Variants in HCRTR2 observed in about 807,000 individuals in gnomAD.
HCRTR2 encodes the protein orexin receptor type 2.
A neutral mutation model predicts 49.0 loss-of-function variants in HCRTR2; 22 were observed. That is an observed-to-expected ratio of 0.45 (90% CI 0.32 to 0.64). The LOEUF (loss-of-function observed/expected upper bound fraction) is 0.64. Among genes scored for constraint, HCRTR2 ranks in the 30% least tolerant of loss-of-function variants. The pLI is 0.04. For missense variants in HCRTR2, 491 were observed against 559.4 expected (o/e 0.88, Z 1.23); for synonymous variants, 236 against 205.3 (o/e 1.15, Z -1.28).
chr6:55,133,334 T>G (rs1283394183), intron 1 of HCRTR2, among the ~76,000 whole-genome samples: 4 of 151,600 alleles, frequency 2.6e-5, no homozygotes, highest in Admixed American at 2.6e-4. Flanking sequence ...TTGCTTTGTT[T>G]CCATAAATGT....
chr6:55,255,178 G>A lies in HCRTR2; in HGVS notation c.445G>A (p.Ala149Thr), dbSNP rs1259211741. 6 of 1,613,806 alleles carry A rather than the reference G, an allele frequency of 3.7e-6. No individual in the cohort carries two copies. Among genetic ancestry groups the A allele is most frequent in the Non-Finnish European group, 5.1e-6 (6 of 1,179,904 alleles). The change falls in exon 3 of 7, where the codon GCC becomes ACC. Residue 149 changes from alanine to threonine, a missense_variant. Physicochemically the swap from Ala to Thr is moderately conservative, Grantham distance 58. Transcript: ENST00000370862. The stretch of plus-strand genomic sequence containing the variant: ...GTCTGTCCTCACACTGAGCTGTATC[G>A]CCTTGGATCGGTGGTATGCAATCTG... ...SVSVLTLSCI[A>T]LDRWYAICHP...
chr6:55,132,620 T>A (rs916257146), intron 1 of HCRTR2, among the ~76,000 whole-genome samples: 1 of 151,750 alleles, frequency 6.6e-6, no homozygotes, highest in Admixed American at 6.6e-5. Flanking sequence ...GCTACCCCAG[T>A]AGGACATACG....
chr6:55,250,855 A>G (rs1433468583), intron 2 of HCRTR2, among the ~76,000 whole-genome samples: 1 of 152,128 alleles, frequency 6.6e-6, no homozygotes, highest in Non-Finnish European at 1.5e-5. Flanking sequence ...CCTCTTCTCC[A>G]TAGAGCAAGG....
At chr6:55,178,672 C>G (rs528129856) in intron 1 of HCRTR2, among the ~76,000 whole-genome samples, 60 of 152,278 alleles carry the variant, frequency 3.9e-4, no homozygotes, top group Non-Finnish European at 6.5e-4. Context: ...CAGCCTTTTC[C>G]TTAATTGCAT....
In HCRTR2 at chr6:55,269,111, T is replaced by G. The variant is rs78313361; in HGVS notation, c.762+5289T>G. 8.2e-4 allele frequency among the ~76,000 whole-genome samples: 103 copies of G among 125,216 alleles called. 1 individual carries two copies. Among genetic ancestry groups the G allele is most frequent in the South Asian group, 5.4e-3 (21 of 3,868 alleles). The allele number at this position is 125,216 out of a possible 152,430, so 82.1% of individuals were successfully genotyped here. On this transcript the variant is annotated intron_variant, in intron 4 of 6. Transcript: ENST00000370862. Reference sequence around the variant, plus strand: ...TCAAAAAAAAAAAAAAAAAAAGAAATAAAGAAAAAACAGGCAGAATAGCAA... The same window carrying G: ...TCAAAAAAAAAAAAAAAAAAAGAAAGAAAGAAAAAACAGGCAGAATAGCAA...
chr6:55,157,217 T>C (rs182866328), intron 1 of HCRTR2, among the ~76,000 whole-genome samples: 60 of 152,284 alleles, frequency 3.9e-4, no homozygotes, highest in African/African-American at 1.4e-3. Context: ...CACTTGTATT[T>C]CTATACACTA....
chr6:55,145,899 C>T (rs929451469), intron 1 of HCRTR2, among the ~76,000 whole-genome samples: 2 of 152,044 alleles, frequency 1.3e-5, no homozygotes, highest in Admixed American at 6.5e-5. Context: ...TACATTTCTA[C>T]TCATCATATA....
At chr6:55,109,100 C>G (rs1764014211) in intron 1 of HCRTR2, among the ~76,000 whole-genome samples, 1 of 152,120 alleles carries the variant, frequency 6.6e-6, no homozygotes, top group Non-Finnish European at 1.5e-5. Flanking sequence ...CCAGTACCAG[C>G]CCAGAGCCTG....
chr6:55,126,719 G>A (rs62416455), intron 1 of HCRTR2, among the ~76,000 whole-genome samples: 42 of 151,912 alleles, frequency 2.8e-4, no homozygotes, highest in Admixed American at 3.9e-4. Context: ...GGGAGATGGC[G>A]TTTTATCTAT....
rs184806254 is a variant in HCRTR2 at position 55,276,544 on chromosome 6, T to C, written c.763-836T>C. ...TTGGCACATTTTCCTCTTTAAAAAA[T>C]TATGCATGCTGAATTTTATTGTTCT... On this transcript the variant is annotated intron_variant, in intron 4 of 6. Transcript: ENST00000370862. Among the ~76,000 whole-genome samples the C allele has an allele frequency of 4.5e-3, 683 of 152,292 alleles. 2 individuals carry two copies. The highest frequency in any genetic ancestry group is 0.015 in the African/African-American group (629 of 41,550).
intron 1 of HCRTR2, among the ~76,000 whole-genome samples, chr6:55,124,801 G>A (rs1312335824): frequency 6.6e-6 from 1 of 152,132 alleles, no homozygotes; most frequent in Non-Finnish European, 1.5e-5. Flanking sequence ...TCCTGTATTT[G>A]ATGCATATAT....
intron 1 of HCRTR2, among the ~76,000 whole-genome samples, chr6:55,142,990 T>TGATAGATA (rs61535568): frequency 0.07 from 9,769 of 139,132 alleles, 715 homozygotes; most frequent in African/African-American, 0.18. Context: ...AGATGATAGA[T>TGATAGATA]GATAGATAGA....
intron 1 of HCRTR2, among the ~76,000 whole-genome samples, chr6:55,121,785 C>T (rs1764203443): frequency 6.6e-6 from 1 of 152,120 alleles, no homozygotes; most frequent in East Asian, 1.9e-4. Flanking sequence ...GTATGTTGAA[C>T]CAGCCTTGCA....
At chr6:55,250,248 G>C (rs1766523985) in intron 2 of HCRTR2, among the ~76,000 whole-genome samples, 1 of 152,046 alleles carries the variant, frequency 6.6e-6, no homozygotes, top group Non-Finnish European at 1.5e-5. Flanking sequence ...TTTTTTGTGT[G>C]TGAGGAAAAA....
intron 1 of HCRTR2, among the ~76,000 whole-genome samples, chr6:55,134,530 A>G (rs1165299155): frequency 6.6e-6 from 1 of 151,860 alleles, no homozygotes; most frequent in Admixed American, 6.6e-5. Flanking sequence ...ATAGTACAAT[A>G]TTATTAATTA....
At chr6:55,144,994 C>A (rs574620141) in intron 1 of HCRTR2, among the ~76,000 whole-genome samples, 1 of 152,078 alleles carries the variant, frequency 6.6e-6, no homozygotes, top group East Asian at 1.9e-4. Context: ...ATTAATTATC[C>A]TCTCCATTAG....
At chr6:55,180,919 C>G (rs1246743566) in intron 1 of HCRTR2, among the ~76,000 whole-genome samples, 1 of 151,880 alleles carries the variant, frequency 6.6e-6, no homozygotes, top group Non-Finnish European at 1.5e-5. Flanking sequence ...CCTGCCTCAG[C>G]CTCCCCAGTA....
chr6:55,252,019 C>T (rs1222238919), intron 2 of HCRTR2, among the ~76,000 whole-genome samples: 1 of 152,080 alleles, frequency 6.6e-6, no homozygotes, highest in Admixed American at 6.6e-5. Context: ...AAAACTTTCA[C>T]TTATAATTAC....
intron 2 of HCRTR2, among the ~76,000 whole-genome samples, chr6:55,254,521 T>C (rs1196735821): frequency 6.6e-6 from 1 of 152,148 alleles, no homozygotes; most frequent in Non-Finnish European, 1.5e-5. Context: ...GAGCAAACTG[T>C]CATAAGGAGA....
Sources: gnomAD v4.1 joint callset for allele counts (sites outside exome capture counted in the v4.1 genomes callset) on GRCh38, gnomAD v4.1.1 for gene constraint, MANE v1.5 for transcripts, NCBI Gene and HGNC (gene_info 2026-07-23, HGNC 2026-07-21) for gene names.